The following PLPPR5 variants were observed in gnomAD, a reference collection of about 807,000 sequenced individuals.
PLPPR5 encodes phospholipid phosphatase-related protein type 5.
In PLPPR5, 16 loss-of-function variants were observed where a neutral mutation model predicts 33.9. The ratio of observed to expected loss-of-function variants is 0.47; its 90% CI spans 0.32 to 0.72. The LOEUF is 0.72. PLPPR5 is among the 30% of genes least tolerant of loss of function. PLPPR5 has a pLI of 0.03. For synonymous variants in PLPPR5, 163 were observed against 150.3 expected, an observed-to-expected ratio of 1.08 and a Z score of -0.62; for missense variants, 301 against 406.7, an observed-to-expected ratio of 0.74 and a Z score of 2.23.
chr1:98,903,675 G>A (rs778927775), intron 5 of PLPPR5, among the ~76,000 whole-genome samples: 73 of 152,170 alleles, frequency 4.8e-4, no homozygotes, highest in Non-Finnish European at 8.8e-4. Context: ...ATTGTTGCGG[G>A]AGGGAACTAA....
chr1:98,934,952 A>C (rs1269460441), intron 3 of PLPPR5, among the ~76,000 whole-genome samples: 2 of 152,180 alleles, frequency 1.3e-5, no homozygotes, highest in African/African-American at 2.4e-5. Context: ...ATAGAATTAA[A>C]AAAAAATAAA....
intron 1 of PLPPR5, among the ~76,000 whole-genome samples, chr1:98,957,939 C>T (rs1379850994): frequency 6.6e-6 from 1 of 152,048 alleles, no homozygotes; most frequent in Non-Finnish European, 1.5e-5. Context: ...CTCAAAATCA[C>T]CTAGTAAGGT....
intron 4 of PLPPR5, among the ~76,000 whole-genome samples, chr1:98,915,156 A>AG (rs2101153078): frequency 6.6e-6 from 1 of 152,324 alleles, no homozygotes; most frequent in Admixed American, 6.5e-5. Context: ...GTTAATATGT[A>AG]GCTCACTTAA....
chr1:98,956,242 G>C (rs919385037), intron 2 of PLPPR5, among the ~76,000 whole-genome samples: 11 of 152,246 alleles, frequency 7.2e-5, no homozygotes, highest in African/African-American at 2.6e-4. Context: ...AACATCCAAA[G>C]GTGGTGTTCT....
intron 2 of PLPPR5, among the ~76,000 whole-genome samples, chr1:98,954,347 G>A (rs1247228508): frequency 6.6e-6 from 1 of 152,030 alleles, no homozygotes; most frequent in Non-Finnish European, 1.5e-5. Context: ...CTATCCCAAA[G>A]TAATACTTCT....
chr1:98,921,922 A>G lies in PLPPR5; in HGVS notation c.758T>C (p.Ile253Thr). 4 of 1,613,964 alleles carry G rather than the reference A, an allele frequency of 2.5e-6. No homozygotes were observed. Among genetic ancestry groups the G allele is most frequent in the African/African-American group, 1.3e-5 (1 of 75,054 alleles). The change falls in exon 4 of 6, where the codon ATA becomes ACA. Residue 253 changes from isoleucine (I) to threonine (T), a missense_variant. Physicochemically the swap from Ile to Thr is moderately conservative, Grantham distance 89. Transcript: ENST00000263177. ...AGATATTCCAACCAGAAAGCCTGCT[A>G]TAACATCTGACCAATGATTTCGATA... The part of the protein sequence containing the change: ...AEYRNHWSDV[I>T]AGFLVGISIA...
chr1:99,004,404 C>T (rs1266693616), intron 1 of PLPPR5, 31 bp downstream of exon 1: 23 of 1,547,014 alleles, frequency 1.5e-5, no homozygotes, highest in African/African-American at 8.2e-5. Flanking sequence ...ATCAGGGACT[C>T]GGCGACGAGG....
intron 5 of PLPPR5, among the ~76,000 whole-genome samples, chr1:98,910,425 T>C (rs1034951666): frequency 1.3e-5 from 2 of 152,188 alleles, no homozygotes; most frequent in African/African-American, 4.8e-5. Flanking sequence ...GAATGAAGTA[T>C]AATGAAACCA....
chr1:98,972,556 G>C (rs1321729863), intron 1 of PLPPR5, among the ~76,000 whole-genome samples: 1 of 152,012 alleles, frequency 6.6e-6, no homozygotes, highest in Non-Finnish European at 1.5e-5. Context: ...GAATATTGAG[G>C]TAAATCAAAA....
At chr1:98,960,022 ATG>A (rs1220315023) in intron 1 of PLPPR5, among the ~76,000 whole-genome samples, 1 of 151,920 alleles carries the variant, frequency 6.6e-6, no homozygotes, top group Non-Finnish European at 1.5e-5. Context: ...TCAAATGCAT[ATG>A]CCTAGGTGTC....
intron 3 of PLPPR5, among the ~76,000 whole-genome samples, chr1:98,933,681 G>A (rs1306522159): frequency 6.6e-6 from 1 of 152,070 alleles, no homozygotes; most frequent in Non-Finnish European, 1.5e-5. Flanking sequence ...ATCTAGCTCC[G>A]AAACCTGAGA....
intron 1 of PLPPR5, among the ~76,000 whole-genome samples, chr1:98,969,723 T>TCTCC (rs1651589906): frequency 6.9e-6 from 1 of 145,634 alleles, no homozygotes; most frequent in African/African-American, 2.6e-5. Context: ...TCTACCTCTT[T>TCTCC]TTCTCCTTCC....
At chr1:98,960,302 C>A (rs1164185748) in intron 1 of PLPPR5, among the ~76,000 whole-genome samples, 9 of 152,048 alleles carry the variant, frequency 5.9e-5, no homozygotes, top group African/African-American at 1.9e-4. Context: ...CTTCCAGGTT[C>A]AAGCAATTCT....
chr1:98,920,231 A>C (rs1266480867), intron 4 of PLPPR5, among the ~76,000 whole-genome samples: 1 of 152,078 alleles, frequency 6.6e-6, no homozygotes, highest in African/African-American at 2.4e-5. Context: ...AAGTATAGGG[A>C]AGGTGGCAAT....
At chr1:98,923,011 A>T (rs1041276204) in intron 3 of PLPPR5, among the ~76,000 whole-genome samples, 38 of 151,772 alleles carry the variant, frequency 2.5e-4, no homozygotes, top group African/African-American at 8.5e-4. Flanking sequence ...ACAAAAAAAA[A>T]CCATAAGTAC....
chr1:98,903,769 T>C (rs1648789126), intron 5 of PLPPR5, among the ~76,000 whole-genome samples: 2 of 152,110 alleles, frequency 1.3e-5, no homozygotes, highest in Admixed American at 1.3e-4. Flanking sequence ...AAACCATCAT[T>C]GTATCAATTC....
In PLPPR5 at chr1:99,004,508, G is replaced by A. The variant is rs191302931; in HGVS notation, c.164C>T (p.Pro55Leu). Reference sequence around the variant, plus strand: ...CACGGCGCTGCTGTCCTCCGGGCCCGGGTAGGGTTTGCGGTAGGCGCTGTC... The same window carrying A: ...CACGGCGCTGCTGTCCTCCGGGCCCAGGTAGGGTTTGCGGTAGGCGCTGTC... ...CHDSAYRKPY[P>L]GPEDSSAVPP... Residue 55 changes from proline (P) to leucine (L), a missense_variant, in exon 1 of 6, where the codon CCG (proline) becomes CTG (leucine). Pro to Leu is a moderately conservative substitution (Grantham distance 98, BLOSUM62 -3). Transcript: ENST00000263177. The A allele has an allele frequency of 3.1e-6, 5 of 1,613,220 alleles. No individual in the cohort carries two copies. The East Asian group carries it at 1.1e-4, about 36-fold the overall frequency.
At chr1:98,940,870 T>G (rs766638569) in intron 3 of PLPPR5, among the ~76,000 whole-genome samples, 1 of 151,692 alleles carries the variant, frequency 6.6e-6, no homozygotes, top group Non-Finnish European at 1.5e-5. Context: ...GACTCAGAGA[T>G]TTCAGGCTTG....
intron 5 of PLPPR5, among the ~76,000 whole-genome samples, chr1:98,910,637 G>A (rs945725378): frequency 6.6e-6 from 1 of 152,094 alleles, no homozygotes; most frequent in African/African-American, 2.4e-5. Context: ...TCAGTTCAGG[G>A]TAGCAGATGG....
Sources: allele counts gnomAD v4.1 joint callset (sites outside exome capture counted in the v4.1 genomes callset), GRCh38; gene constraint gnomAD v4.1.1; transcripts MANE v1.5; gene names NCBI Gene and HGNC (gene_info 2026-07-23, HGNC 2026-07-21).